The following RSF1 variants were observed in gnomAD, a reference collection of about 807,000 sequenced individuals.
RSF1 encodes the protein HBV pX-associated protein 8.
Under a neutral mutation model 145.2 loss-of-function variants are expected in RSF1, and 13 were observed. The ratio of observed to expected loss-of-function variants is 0.09; its 90% CI spans 0.06 to 0.14. The LOEUF (loss-of-function observed/expected upper bound fraction) is 0.14, where lower values mean the gene tolerates loss of function less well. Among genes scored for constraint, RSF1 ranks in the 10% least tolerant of loss-of-function variants. The probability of loss-of-function intolerance (pLI) is 1.00; values close to 1 mark genes in which losing one functional copy is unlikely to be tolerated. For missense variants in RSF1, 1,517 were observed against 1,718.2 expected, an observed-to-expected ratio of 0.88 and a Z score of 2.07; for synonymous variants, 577 against 592.6, an observed-to-expected ratio of 0.97 and a Z score of 0.38.
the RSF1 span, among the ~76,000 whole-genome samples, chr11:77,828,390 G>A: frequency 0.031 from 4,642 of 152,016 alleles, 97 homozygotes; most frequent in Non-Finnish European, 0.044. Context: ...AATTATAGCC[G>A]GGTGCGGTGG....
intron 5 of RSF1, 38 bp downstream of exon 5, chr11:77,725,507 T>C: frequency 6.8e-7 from 1 of 1,477,492 alleles, no homozygotes; most frequent in Non-Finnish European, 9.0e-7. Flanking sequence ...ATGGAAGAGA[T>C]TACAAAACAA....
At chr11:77,789,833 G>C (rs1253359060) in intron 1 of RSF1, among the ~76,000 whole-genome samples, 1 of 152,150 alleles carries the variant, frequency 6.6e-6, no homozygotes, top group Non-Finnish European at 1.5e-5. Flanking sequence ...TGGAAACAGG[G>C]GACTGCTCAG....
At position 77,764,685 on chromosome 11, in the gene RSF1, T is replaced by C. The variant is rs1234580152; in HGVS notation, c.192A>G (p.Pro64=). Residue 64 remains proline (P), a synonymous_variant, in exon 2 of 16, where the codon CCA becomes CCG. Coordinates refer to ENST00000308488, the MANE Select transcript of RSF1 (RefSeq NM_016578.4). ...PPPDVGNGEV[P]KELVELHLKL... ...TCAAATGGAGCTCCACCAATTCTTT[T>C]GGTACTTAAAAGAAAGAAAAAAAAT... 5 of 1,591,076 alleles carry C rather than the reference T, an allele frequency of 3.1e-6. No individual in the cohort carries two copies. Among genetic ancestry groups the C allele is most frequent in the African/African-American group, 1.3e-5 (1 of 74,092 alleles).
chr11:77,725,724 G>C, intron 4 of RSF1, 25 bp from the exon 5 acceptor site: 1 of 1,530,156 alleles, frequency 6.5e-7, no homozygotes, highest in Non-Finnish European at 8.8e-7. Flanking sequence ...AAATAAGACA[G>C]CATAAAAACC....
chr11:77,858,796 G>A, the RSF1 span, among the ~76,000 whole-genome samples: 2 of 152,184 alleles, frequency 1.3e-5, no homozygotes, highest in African/African-American at 4.8e-5. Flanking sequence ...GCCAGTCCAG[G>A]GGTCCACGGT....
chr11:77,851,995 C>T, the RSF1 span, among the ~76,000 whole-genome samples: 3 of 152,090 alleles, frequency 2.0e-5, no homozygotes, highest in East Asian at 5.8e-4. Context: ...TAGTTGTTAA[C>T]ATTCTGCCAC....
rs189635519 is a variant in RSF1 at position 77,687,526 on chromosome 11, C to T, written c.2901-2367G>A. Among the ~76,000 whole-genome samples the T allele has an allele frequency of 1.6e-3, 243 of 151,906 alleles. 1 individual carries two copies. Among genetic ancestry groups the T allele is most frequent in the Admixed American group, 3.0e-3 (46 of 15,260 alleles). On this transcript the variant is annotated intron_variant, in intron 9 of 15. Transcript: ENST00000308488. ...TTTGAGACCAAGCTGGCCAACATGG[C>T]AAAACCCCATCTGTAGTAAAAAATA... is the stretch of plus-strand genomic sequence containing the variant.
At chr11:77,811,471 C>T (rs1948730584) in intron 1 of RSF1, among the ~76,000 whole-genome samples, 1 of 152,010 alleles carries the variant, frequency 6.6e-6, no homozygotes. Flanking sequence ...AGTGTACGTG[C>T]AGGGTAAGGA....
At chr11:77,864,491 C>G in the RSF1 span, among the ~76,000 whole-genome samples, 2 of 151,880 alleles carry the variant, frequency 1.3e-5, no homozygotes, top group Non-Finnish European at 2.9e-5. Context: ...GATTGAGAAC[C>G]AGATTAATTA....
chr11:77,813,677 A>T, intron 1 of RSF1: 1 of 516,284 alleles, frequency 1.9e-6, no homozygotes, highest in Non-Finnish European at 3.7e-6. Context: ...TCAAAGCCAT[A>T]GCTGCTGCAC....
chr11:77,778,430 T>G lies in RSF1; in HGVS notation c.188-13741A>C, dbSNP rs138056216. ...CTGAACAAATCTTTTACACTGCTGT[T>G]GGTCTCAAACAATAATAATATAAGG... On this transcript the variant is annotated intron_variant, in intron 1 of 15. Transcript: ENST00000308488. Among the ~76,000 whole-genome samples the G allele has an allele frequency of 5.9e-5, 9 of 152,256 alleles. No homozygotes were observed. In the East Asian group the frequency reaches 1.7e-3, roughly 29 times the overall value.
intron 8 of RSF1, among the ~76,000 whole-genome samples, chr11:77,692,713 C>T (rs1288172907): frequency 2.0e-5 from 3 of 147,262 alleles, no homozygotes; most frequent in African/African-American, 7.5e-5. Flanking sequence ...GAGTCTTGCT[C>T]TGTTGCCAGG....
intron 1 of RSF1, among the ~76,000 whole-genome samples, chr11:77,803,994 C>A (rs1189185761): frequency 6.6e-6 from 1 of 152,158 alleles, no homozygotes; most frequent in Non-Finnish European, 1.5e-5. Flanking sequence ...TCGCTTGAGC[C>A]CAGGAGCTCA....
chr11:77,674,365 A>G (rs1456373648), intron 14 of RSF1, among the ~76,000 whole-genome samples: 7 of 152,350 alleles, frequency 4.6e-5, no homozygotes, highest in Admixed American at 3.3e-4. Flanking sequence ...AGCATACTCT[A>G]TAACAACATC....
intron 1 of RSF1, among the ~76,000 whole-genome samples, chr11:77,799,784 T>G (rs1430974264): frequency 6.6e-6 from 1 of 152,078 alleles, no homozygotes; most frequent in Non-Finnish European, 1.5e-5. Flanking sequence ...TGAAGAAAAA[T>G]AGAAGACTCA....
At chr11:77,737,621 G>GTGTGTGTGTGTGTGTGTGTGTGT (rs1554991241) in intron 4 of RSF1, among the ~76,000 whole-genome samples, 30 of 93,546 alleles carry the variant, frequency 3.2e-4, no homozygotes, top group East Asian at 8.4e-4. Flanking sequence ...TGTTTTGGGG[G>GTGTGTGTGTGTGTGTGTGTGTGT]GTGTGTGTGT....
At chr11:77,862,489 A>G in the RSF1 span, among the ~76,000 whole-genome samples, 6 of 151,972 alleles carry the variant, frequency 3.9e-5, no homozygotes, top group Non-Finnish European at 8.8e-5. Context: ...TCCTCCTCCC[A>G]CCACTTGGAG....
At chr11:77,869,294 GT>G in the RSF1 span, 819 of 149,308 alleles carry the variant, frequency 5.5e-3, 5 homozygotes, top group African/African-American at 0.019. Context: ...CCCGGATTTC[GT>G]TTATTTATCT....
chr11:77,832,700 A>G, the RSF1 span, among the ~76,000 whole-genome samples: 4 of 151,292 alleles, frequency 2.6e-5, no homozygotes, highest in African/African-American at 9.7e-5. Context: ...GTTTTAAGAA[A>G]AAAAAAAAAA....
Sources: gnomAD v4.1 joint callset for allele counts (sites outside exome capture counted in the v4.1 genomes callset) on GRCh38, gnomAD v4.1.1 for gene constraint, MANE v1.5 for transcripts, NCBI Gene and HGNC (gene_info 2026-07-23, HGNC 2026-07-21) for gene names.